CHD8: variants seen among roughly 807,000 people sequenced by gnomAD.
The protein encoded by CHD8 is ATP-dependent chromatin remodeler CHD8.
Under a neutral mutation model 279.2 loss-of-function variants are expected in CHD8, and 31 were observed. The ratio of observed to expected loss-of-function variants is 0.11; its 90% confidence interval spans 0.08 to 0.15. CHD8 has a LOEUF of 0.15. Ranked by LOEUF, CHD8 falls within the 10% of genes least tolerant of loss-of-function variation. The pLI is 1.00. For synonymous variants in CHD8, 1,081 were observed against 1,139.6 expected (o/e 0.95, Z 1.04); for missense variants, 2,146 against 3,230.5 (o/e 0.66, Z 8.14).
At chr14:21,435,276 C>T (rs977009027) in intron 1 of CHD8, among the ~76,000 whole-genome samples, 8 of 152,136 alleles carry the variant, frequency 5.3e-5, no homozygotes, top group African/African-American at 1.9e-4. Context: ...AAAATCCAAG[C>T]CCATCTATCT....
chr14:21,394,446 C>A lies in CHD8; in HGVS notation c.5430G>T (p.Val1810=). ...GGTCATATTCCACACCAAACGTAGACACCACTCGATAAAAATCAGTTTGTT... is the reference window on the plus strand; with the variant it reads ...GGTCATATTCCACACCAAACGTAGAAACCACTCGATAAAAATCAGTTTGTT... ...RREQTDFYRV[V]STFGVEYDPD... is the part of the protein sequence containing the mutation. The change falls in exon 31 of 38, where the codon GTG becomes GTT. Residue 1810 remains valine, a synonymous_variant. Coordinates refer to ENST00000646647, the MANE Select transcript of CHD8 (RefSeq NM_001170629.2). 20 of 1,610,988 alleles carry A rather than the reference C, an allele frequency of 1.2e-5. No homozygotes were observed. The highest frequency in any genetic ancestry group is 1.6e-5 in the Non-Finnish European group (19 of 1,178,408).
At chr14:21,445,085 C>A (rs1229035941) in intron 1 of CHD8, among the ~76,000 whole-genome samples, 3 of 152,194 alleles carry the variant, frequency 2.0e-5, no homozygotes, top group Non-Finnish European at 4.4e-5. Context: ...ACTACCCGTA[C>A]CCAGTATTTT....
rs1007212255 is a variant in CHD8, at chr14:21,408,120, G to GT, written c.2730+191dup. On this transcript the variant is annotated intron_variant, in intron 13 of 37. Coordinates refer to ENST00000646647, the MANE Select transcript of CHD8 (RefSeq NM_001170629.2). This position sits in a 1 kb window ranked among gnomAD's most constrained non-coding sequence, Gnocchi z 4.3. ...TTCTACCAGATCAAATGTCTACTAG[G>GT]TAAAAAAAATAGCAAAGTCAAAAAA... Among the ~76,000 whole-genome samples, 8 of 151,826 alleles carry GT rather than the reference G, an allele frequency of 5.3e-5. No individual in the cohort carries two copies. The highest frequency in any genetic ancestry group is 1.9e-4 in the African/African-American group (8 of 41,326).
At chr14:21,420,473 G>GT (rs1157876734) in intron 5 of CHD8, among the ~76,000 whole-genome samples, 1 of 152,186 alleles carries the variant, frequency 6.6e-6, no homozygotes, top group Non-Finnish European at 1.5e-5. Context: ...AAATATTAAA[G>GT]TGGGAGAATG....
chr14:21,391,839 T>G lies in CHD8; in HGVS notation c.6879A>C (p.Leu2293=). 6.2e-7 allele frequency: 1 copy of G among 1,607,794 alleles called. No individual in the cohort carries two copies. Among genetic ancestry groups the G allele is most frequent in the Non-Finnish European group, 8.5e-7 (1 of 1,174,216 alleles). ...GACTTTCTCTACCACTCACCTCTACTAGCTTCTTTCTGTTCCCCTTCTTCT... is the reference window on the plus strand; with the variant it reads ...GACTTTCTCTACCACTCACCTCTACGAGCTTCTTTCTGTTCCCCTTCTTCT... ...FHKKKGNRKK[L]VELEVECMEE... The change falls in exon 35 of 38, where the codon CTA becomes CTC. Residue 2293 remains leucine, a synonymous_variant. Coordinates refer to ENST00000646647, the MANE Select transcript of CHD8 (RefSeq NM_001170629.2).
chr14:21,427,826 G>A, intron 4 of CHD8, 43 bp downstream of exon 4: 1 of 1,593,914 alleles, frequency 6.3e-7, no homozygotes, highest in East Asian at 2.2e-5. Context: ...ACTCACTTGA[G>A]CTTACTCTTG....
intron 13 of CHD8, 39 bp from the exon 14 acceptor site, chr14:21,407,071 T>A: frequency 6.7e-7 from 1 of 1,493,604 alleles, no homozygotes; most frequent in Non-Finnish European, 9.0e-7. Flanking sequence ...AAACCAAAAA[T>A]GTACCTAAAT....
chr14:21,418,677 G>A (rs147331767), intron 5 of CHD8, among the ~76,000 whole-genome samples: 14 of 152,204 alleles, frequency 9.2e-5, no homozygotes, highest in Non-Finnish European at 1.5e-4. Flanking sequence ...TTAGCTGGGC[G>A]TGGTGGCAGG....
chr14:21,402,633 G>A lies in CHD8; in HGVS notation c.3715-130C>T. On this transcript the variant is annotated intron_variant, in intron 18 of 37. Transcript: ENST00000646647. This position sits in a 1 kb window ranked among gnomAD's most constrained non-coding sequence, Gnocchi z 4.5. ...CCATGAGATCAACTCAAAACCAAGA[G>A]TCAATTTCAAGATGAAATTATCACC... 1.1e-6 allele frequency: 1 copy of A among 895,884 alleles called. No homozygotes were observed. Among genetic ancestry groups the A allele is most frequent in the East Asian group, 2.7e-5 (1 of 36,974 alleles). 55.5% of individuals were successfully genotyped at this position (895,884 alleles called of 1,614,324 possible).
Position 21,430,941 on chromosome 14 carries a change from C to T in CHD8, c.703G>A (p.Val235Ile). 1 of 1,599,562 alleles carries T rather than the reference C, an allele frequency of 6.3e-7. No homozygotes were observed. Among genetic ancestry groups the T allele is most frequent in the Non-Finnish European group, 8.5e-7 (1 of 1,179,792 alleles). Residue 235 changes from valine (V) to isoleucine (I), a missense_variant, in exon 2 of 38, where the codon GTT (valine) becomes ATT (isoleucine). Val to Ile is a conservative substitution (Grantham distance 29, BLOSUM62 3). Coordinates refer to ENST00000646647, the MANE Select transcript of CHD8 (RefSeq NM_001170629.2). ...CGGCTGGGCTGGACAATGCGCTGAA[C>T]AGCAGCCTGGTTCCCAGGGACCTTG... is the stretch of plus-strand genomic sequence containing the variant. ...AAKVPGNQAA[V>I]QRIVQPSRPV...
chr14:21,442,906 T>C (rs1209997085), intron 1 of CHD8, among the ~76,000 whole-genome samples: 1 of 152,012 alleles, frequency 6.6e-6, no homozygotes, highest in East Asian at 1.9e-4. Flanking sequence ...AAGAGAATGT[T>C]AATGACTGTG....
At position 21,431,074 on chromosome 14, in the gene CHD8, C is replaced by G. The variant is rs766356957; in HGVS notation, c.570G>C (p.Leu190=). 1 of 1,599,314 alleles carries G rather than the reference C, an allele frequency of 6.3e-7. No homozygotes were observed. Reference sequence around the variant, plus strand: ...TTCCACCATTGGCTGTGCCTGCCACCAGGGGCTGAGCTGTGCTGGTGATAC... The same window carrying G: ...TTCCACCATTGGCTGTGCCTGCCACGAGGGGCTGAGCTGTGCTGGTGATAC... The part of the protein sequence containing the change: ...AQGITSTAQP[L]VAGTANGGKV... Residue 190 remains leucine (L), a synonymous_variant, in exon 2 of 38, where the codon CTG becomes CTC. Transcript: ENST00000646647.
chr14:21,437,172 T>C (rs1227986606), intron 1 of CHD8: 1 of 1,116,526 alleles, frequency 9.0e-7, no homozygotes, highest in Non-Finnish European at 1.2e-6. Context: ...CTCACCCCAG[T>C]GGAGGAGAGA....
intron 1 of CHD8, among the ~76,000 whole-genome samples, chr14:21,436,625 G>C (rs1454240926): frequency 2.0e-5 from 3 of 152,106 alleles, no homozygotes; most frequent in African/African-American, 7.2e-5. Flanking sequence ...CTCTGTTTCT[G>C]TTTTCCAATT....
In CHD8 at chr14:21,393,463, C is replaced by A; in HGVS notation, c.6319+13G>T. The stretch of plus-strand genomic sequence containing the variant: ...ATAGGGAAGGGGGCCAACAGCCTGT[C>A]ACATGCACTCACTTAGCTTCTCTTC... On this transcript the variant is annotated intron_variant, in intron 32 of 37. Transcript: ENST00000646647. The A allele has an allele frequency of 6.5e-7, 1 of 1,547,746 alleles. No homozygotes were observed.
At chr14:21,439,259 T>G (rs1889896702) in intron 1 of CHD8, among the ~76,000 whole-genome samples, 1 of 152,232 alleles carries the variant, frequency 6.6e-6, no homozygotes, top group Non-Finnish European at 1.5e-5. Flanking sequence ...AGATGTCTTA[T>G]TTTTTAAAGA....
In CHD8 at chr14:21,408,380, C is replaced by T. The variant is rs1350645239; in HGVS notation, c.2662G>A (p.Val888Met). 2 of 1,613,914 alleles carry T rather than the reference C, an allele frequency of 1.2e-6. No individual in the cohort carries two copies. The highest frequency in any genetic ancestry group is 1.7e-5 in the Admixed American group (1 of 60,026). ...CTGCTGGCCAGACTGCCATGGTACACAATAGTGTTCATTTCTGTCCATGTA... is the reference window on the plus strand; with the variant it reads ...CTGCTGGCCAGACTGCCATGGTACATAATAGTGTTCATTTCTGTCCATGTA... ...FNTWTEMNTI[V>M]YHGSLASRQM... Residue 888 changes from valine to methionine, a missense_variant, in exon 13 of 38, where the codon GTG becomes ATG. By Grantham distance (21) the Val-to-Met change is conservative. Coordinates refer to ENST00000646647, the MANE Select transcript of CHD8 (RefSeq NM_001170629.2). The surrounding 1 kb of genome is among the most constrained non-coding windows in gnomAD (Gnocchi z 4.3).
Position 21,428,083 on chromosome 14 carries a change from G to T in CHD8, c.1387C>A (p.Arg463=), listed in dbSNP as rs770032194. ...EHQKKQEKAN[R]IVAEAIARAR... is the part of the protein sequence containing the mutation. Reference sequence around the variant, plus strand: ...CTCGCAATGGCCTCTGCTACAATCCGATTTGCTTTCTCTTGCTTCTTCTGG... The same window carrying T: ...CTCGCAATGGCCTCTGCTACAATCCTATTTGCTTTCTCTTGCTTCTTCTGG... The change falls in exon 4 of 38, where the codon CGG becomes AGG. Residue 463 remains arginine (R), a synonymous_variant. Transcript: ENST00000646647. The T allele has an allele frequency of 2.0e-5, 32 of 1,613,872 alleles. No individual in the cohort carries two copies. Among genetic ancestry groups the T allele is most frequent in the Middle Eastern group, 1.6e-4 (1 of 6,084 alleles).
chr14:21,413,204 T>A (rs1318227981), intron 9 of CHD8, among the ~76,000 whole-genome samples: 1 of 152,182 alleles, frequency 6.6e-6, no homozygotes, highest in Non-Finnish European at 1.5e-5. Context: ...CCAGTGAGTG[T>A]CTCTTTCTAA....
Sources: gnomAD v4.1 joint callset for allele counts (sites outside exome capture counted in the v4.1 genomes callset) on GRCh38, gnomAD v4.1.1 for gene constraint, Gnocchi (gnomAD v3.1) non-coding constraint, MANE v1.5 for transcripts, NCBI Gene and HGNC (gene_info 2026-07-23, HGNC 2026-07-21) for gene names.